PCSK5: variants seen among roughly 807,000 people sequenced by gnomAD.
The protein encoded by PCSK5 is proprotein convertase subtilisin/kexin type 5, also known as prohormone convertase 5.
A neutral mutation model predicts 233.2 loss-of-function variants in PCSK5; 129 were observed. The ratio of observed to expected loss-of-function variants is 0.55; its 90% CI spans 0.48 to 0.64. The LOEUF is 0.64. PCSK5 is among the 30% of genes least tolerant of loss of function. PCSK5 has a pLI of 0.00. For missense variants in PCSK5, 2,076 were observed against 2,430.1 expected, an observed-to-expected ratio of 0.85 and a Z score of 3.06; for synonymous variants, 825 against 879.2, an observed-to-expected ratio of 0.94 and a Z score of 1.09.
At chr9:76,151,987 G>C (rs373145735) in intron 10 of PCSK5, among the ~76,000 whole-genome samples, 2 of 152,276 alleles carry the variant, frequency 1.3e-5, no homozygotes, top group Admixed American at 6.5e-5. Context: ...GCTTATATTG[G>C]TGAAGTATAT....
chr9:76,262,608 C>A lies in PCSK5; in HGVS notation c.3142+21924C>A, dbSNP rs576643138. 1.3e-4 allele frequency among the ~76,000 whole-genome samples: 19 copies of A among 150,556 alleles called. No individual in the cohort carries two copies. In the South Asian group the frequency reaches 3.8e-3, roughly 30 times the overall value. Reference sequence around the variant, plus strand: ...GCTGAAACTGGATCCCTTCCTTACACCTTATACAAAAATCAATTCAAGATG... The same window carrying A: ...GCTGAAACTGGATCCCTTCCTTACAACTTATACAAAAATCAATTCAAGATG... On this transcript the variant is annotated intron_variant, in intron 24 of 37. Coordinates refer to ENST00000674117, the MANE Select transcript of PCSK5 (RefSeq NM_001372043.1).
chr9:76,322,014 A>G (rs1327989551), intron 31 of PCSK5, among the ~76,000 whole-genome samples: 1 of 152,066 alleles, frequency 6.6e-6, no homozygotes, highest in Non-Finnish European at 1.5e-5. Context: ...CAATGGCTCA[A>G]TCTCAGCTCA....
chr9:76,026,792 G>A (rs1006975824), intron 4 of PCSK5, among the ~76,000 whole-genome samples, 169 bp from the exon 5 acceptor site: 1 of 152,162 alleles, frequency 6.6e-6, no homozygotes, highest in Non-Finnish European at 1.5e-5. Flanking sequence ...CACTGAATGA[G>A]CACTGCCTCC....
intron 24 of PCSK5, among the ~76,000 whole-genome samples, chr9:76,258,422 G>A (rs1015331706): frequency 1.3e-5 from 2 of 152,296 alleles, no homozygotes; most frequent in African/African-American, 4.8e-5. Flanking sequence ...TTTTGAAGGG[G>A]TGCTTATTGG....
At chr9:76,176,648 TTTC>T (rs1329254901) in intron 14 of PCSK5, among the ~76,000 whole-genome samples, 2 of 152,322 alleles carry the variant, frequency 1.3e-5, no homozygotes, top group East Asian at 1.9e-4. Context: ...TTTATGTAGT[TTTC>T]TTCTTGTTAG....
chr9:76,019,260 C>CTT (rs34354774), intron 3 of PCSK5, among the ~76,000 whole-genome samples: 90 of 149,230 alleles, frequency 6.0e-4, no homozygotes, highest in Admixed American at 1.5e-3. Flanking sequence ...AATATCAATT[C>CTT]TTTTTTTTTT....
rs767653646 is a variant in PCSK5, at chr9:76,323,243, T to C, written c.4294T>C (p.Cys1432Arg). The change falls in exon 32 of 38, where the codon TGT becomes CGT. Residue 1432 changes from cysteine (C) to arginine (R), a missense_variant. Cys to Arg is a radical substitution (Grantham distance 180). This residue lies in a region of PCSK5 where 1,510 missense variants were observed against 1,538.1 expected (regional missense o/e 0.98). Coordinates refer to ENST00000674117, the MANE Select transcript of PCSK5 (RefSeq NM_001372043.1). ...VLYDGLCLEECPAGTYYEKET... is the reference protein window; with the variant it reads ...VLYDGLCLEERPAGTYYEKET... Reference sequence around the variant, plus strand: ...CTATGATGGACTGTGCTTGGAGGAGTGTCCAGCAGGAACCTATTATGAAAA... The same window carrying C: ...CTATGATGGACTGTGCTTGGAGGAGCGTCCAGCAGGAACCTATTATGAAAA... 1.9e-6 allele frequency: 3 copies of C among 1,612,120 alleles called. No homozygotes were observed. Among genetic ancestry groups the C allele is most frequent in the East Asian group, 2.2e-5 (1 of 44,856 alleles).
intron 24 of PCSK5, among the ~76,000 whole-genome samples, chr9:76,291,545 G>A (rs941270266): frequency 3.3e-5 from 5 of 152,190 alleles, no homozygotes; most frequent in African/African-American, 1.2e-4. Context: ...AGCTAGATCT[G>A]AGAGTTGCAT....
chr9:75,904,570 G>A (rs977707972), intron 1 of PCSK5, among the ~76,000 whole-genome samples: 1 of 152,158 alleles, frequency 6.6e-6, no homozygotes, highest in Non-Finnish European at 1.5e-5. Context: ...GGAAATGTAA[G>A]TCAAACCTCA....
chr9:76,170,874 C>G (rs961927931), intron 13 of PCSK5, among the ~76,000 whole-genome samples: 3 of 152,208 alleles, frequency 2.0e-5, no homozygotes, highest in Non-Finnish European at 4.4e-5. Flanking sequence ...GAGAAAGTTA[C>G]TCATTCTGAG....
chr9:76,116,999 TTAAAC>T (rs1832450934), intron 9 of PCSK5, among the ~76,000 whole-genome samples: 2 of 151,418 alleles, frequency 1.3e-5, no homozygotes, highest in Non-Finnish European at 3.0e-5. Flanking sequence ...GCCAACAAGT[TTAAAC>T]TCTAAATCTT....
intron 25 of PCSK5, 89 bp from the exon 26 acceptor site, chr9:76,295,186 C>A: frequency 8.4e-7 from 1 of 1,183,606 alleles, no homozygotes; most frequent in Non-Finnish European, 1.2e-6. Flanking sequence ...ACAAAAAACT[C>A]TGCATAGACA....
At chr9:75,928,053 G>C (rs573327687) in intron 1 of PCSK5, among the ~76,000 whole-genome samples, 18 of 152,278 alleles carry the variant, frequency 1.2e-4, no homozygotes, top group African/African-American at 3.8e-4. Context: ...ACAAAAACTT[G>C]ACAGAATTAG....
At chr9:75,992,317 A>T (rs752525684) in intron 3 of PCSK5, among the ~76,000 whole-genome samples, 3 of 152,296 alleles carry the variant, frequency 2.0e-5, no homozygotes, top group East Asian at 3.9e-4. Flanking sequence ...TTTACAATAG[A>T]TGTATGTTTT....
chr9:75,909,233 G>A (rs1410020369), intron 1 of PCSK5, among the ~76,000 whole-genome samples: 1 of 152,040 alleles, frequency 6.6e-6, no homozygotes, highest in East Asian at 1.9e-4. Context: ...GGCTGAGGCA[G>A]GAGAATTTCT....
At chr9:76,297,115 C>T (rs1476435085) in intron 27 of PCSK5, among the ~76,000 whole-genome samples, 1 of 152,088 alleles carries the variant, frequency 6.6e-6, no homozygotes, top group Non-Finnish European at 1.5e-5. Flanking sequence ...AGTCTACCTG[C>T]TTGAGTTTCT....
chr9:76,267,564 G>A (rs1249932213), intron 24 of PCSK5, among the ~76,000 whole-genome samples: 1 of 152,168 alleles, frequency 6.6e-6, no homozygotes, highest in Admixed American at 6.6e-5. Flanking sequence ...GCTGTTCACA[G>A]GAATCTTTTC....
rs554991137 is a variant in PCSK5 at position 75,968,500 on chromosome 9, G to T, written c.298-17632G>T. Among the ~76,000 whole-genome samples, 4 of 152,306 alleles carry T rather than the reference G, an allele frequency of 2.6e-5. No individual in the cohort carries two copies. In the South Asian group the frequency reaches 8.3e-4, roughly 32 times the overall value. On this transcript the variant is annotated intron_variant, in intron 2 of 37. Transcript: ENST00000674117. ...GCTTCATGAAAAAGTCTGACAAATG[G>T]TTAAACTGCTGTTCTTAGTGGTTGT...
At position 76,354,176 on chromosome 9, in the gene PCSK5, T is replaced by TC; in HGVS notation, c.5217dup (p.Ser1740GlnfsTer7). The stretch of plus-strand genomic sequence containing the variant: ...GCCTCCACTGCTGCAACACCTCTGA[T>TC]CCCCCCAGTGCCCAGGAGTGCTGTG... On this transcript the variant is annotated frameshift_variant, in exon 37 of 38. Coordinates refer to ENST00000674117, the MANE Select transcript of PCSK5 (RefSeq NM_001372043.1). LOFTEE classifies it low-confidence loss of function (END_TRUNC). The TC allele has an allele frequency of 6.3e-7, 1 of 1,589,494 alleles. No homozygotes were observed. The highest frequency in any genetic ancestry group is 8.6e-7 in the Non-Finnish European group (1 of 1,168,856).
Sources: allele counts gnomAD v4.1 joint callset (sites outside exome capture counted in the v4.1 genomes callset), GRCh38; gene constraint gnomAD v4.1.1; regional missense constraint gnomAD v4.1.1; transcripts MANE v1.5; gene names NCBI Gene and HGNC (gene_info 2026-07-23, HGNC 2026-07-21).